The following CCSER1 variants were observed in gnomAD, a reference collection of about 807,000 sequenced individuals.
The protein encoded by CCSER1 is coiled-coil serine rich protein 1.
A neutral mutation model predicts 82.0 loss-of-function variants in CCSER1; 41 were observed. That is an observed-to-expected ratio of 0.50 (90% CI 0.39 to 0.65). The LOEUF (loss-of-function observed/expected upper bound fraction) is 0.65, where lower values mean the gene tolerates loss of function less well. CCSER1 is among the 30% of genes least tolerant of loss of function. The pLI, the probability that CCSER1 is intolerant of heterozygous loss-of-function variation, is 0.00. For synonymous variants in CCSER1, 414 were observed against 383.9 expected (o/e 1.08, Z -0.92); for missense variants, 1,119 against 1,064.2 (o/e 1.05, Z -0.72).
At chr4:91,170,838 A>G (rs1732671705) in intron 10 of CCSER1, among the ~76,000 whole-genome samples, 1 of 152,104 alleles carries the variant, frequency 6.6e-6, no homozygotes, top group African/African-American at 2.4e-5. Context: ...ATGATTAACC[A>G]TTTTCTAAGG....
chr4:91,515,039 C>G (rs999463777), intron 10 of CCSER1, among the ~76,000 whole-genome samples: 5 of 151,996 alleles, frequency 3.3e-5, no homozygotes, highest in African/African-American at 1.2e-4. Flanking sequence ...TGATGTTTTA[C>G]CACATATTGA....
At chr4:90,396,547 A>G (rs1212655313) in intron 3 of CCSER1, among the ~76,000 whole-genome samples, 3 of 152,324 alleles carry the variant, frequency 2.0e-5, no homozygotes, top group East Asian at 3.9e-4. Flanking sequence ...TTAAATTAGT[A>G]GTACCTTTTT....
intron 9 of CCSER1, among the ~76,000 whole-genome samples, chr4:91,035,378 A>G (rs918496886): frequency 6.6e-6 from 1 of 152,164 alleles, no homozygotes; most frequent in African/African-American, 2.4e-5. Flanking sequence ...TGGTCTCTTT[A>G]AGAAAATGAT....
At chr4:91,077,985 C>T (rs1030740291) in intron 9 of CCSER1, among the ~76,000 whole-genome samples, 34 of 152,322 alleles carry the variant, frequency 2.2e-4, no homozygotes, top group African/African-American at 3.1e-4. Flanking sequence ...CAAGGAGGCC[C>T]GCCTGCCTCT....
chr4:91,302,473 C>G (rs1191359889), intron 10 of CCSER1, among the ~76,000 whole-genome samples: 4 of 151,952 alleles, frequency 2.6e-5, no homozygotes, highest in Admixed American at 6.6e-5. Flanking sequence ...CTTGACTGAT[C>G]ATCTATTTTT....
At chr4:91,288,572 G>A (rs1335311619) in intron 10 of CCSER1, among the ~76,000 whole-genome samples, 1 of 151,978 alleles carries the variant, frequency 6.6e-6, no homozygotes, top group African/African-American at 2.4e-5. Context: ...ATAATAGCAA[G>A]ATTCCTGAGA....
chr4:90,845,773 A>T (rs1763156648), intron 8 of CCSER1, among the ~76,000 whole-genome samples: 1 of 151,842 alleles, frequency 6.6e-6, no homozygotes, highest in South Asian at 2.1e-4. Flanking sequence ...ATCATGATTT[A>T]TACAGCCTAT....
chr4:90,510,554 G>T (rs1771350538), intron 5 of CCSER1, among the ~76,000 whole-genome samples: 3 of 152,198 alleles, frequency 2.0e-5, no homozygotes, highest in African/African-American at 7.2e-5. Context: ...CTTCAACGTT[G>T]TCTTTTCCAG....
At chr4:91,143,970 C>G (rs966303519) in intron 10 of CCSER1, among the ~76,000 whole-genome samples, 3 of 151,906 alleles carry the variant, frequency 2.0e-5, no homozygotes, top group African/African-American at 7.2e-5. Flanking sequence ...ATTTTGGTAT[C>G]AAGACAATGC....
intron 2 of CCSER1, among the ~76,000 whole-genome samples, chr4:90,312,389 C>G (rs1735448836): frequency 6.6e-6 from 1 of 152,096 alleles, no homozygotes. Context: ...AAAAACATCA[C>G]CTTTTGGCTA....
chr4:91,139,465 G>A (rs972256025), intron 10 of CCSER1, among the ~76,000 whole-genome samples: 16 of 152,046 alleles, frequency 1.1e-4, no homozygotes, highest in African/African-American at 3.9e-4. Flanking sequence ...ATTTCTAAGT[G>A]CGCTGCGATT....
chr4:90,935,699 A>T (rs1442063977), intron 9 of CCSER1, among the ~76,000 whole-genome samples: 5 of 152,200 alleles, frequency 3.3e-5, no homozygotes, highest in African/African-American at 1.2e-4. Flanking sequence ...TGGGTTGGGA[A>T]GTCCAGCAGT....
chr4:90,187,480 A>G (rs1353039309), intron 1 of CCSER1, among the ~76,000 whole-genome samples: 1 of 151,450 alleles, frequency 6.6e-6, no homozygotes, highest in Non-Finnish European at 1.5e-5. Context: ...CTAAACACTC[A>G]TAAACATATC....
intron 10 of CCSER1, among the ~76,000 whole-genome samples, chr4:91,458,630 C>A (rs1016492986): frequency 1.3e-5 from 2 of 152,024 alleles, no homozygotes; most frequent in Admixed American, 6.6e-5. Context: ...AATATTAATT[C>A]TTTTAGCCCA....
chr4:90,188,370 C>T (rs555010818), intron 1 of CCSER1, among the ~76,000 whole-genome samples: 9 of 151,974 alleles, frequency 5.9e-5, no homozygotes, highest in East Asian at 5.8e-4. Flanking sequence ...GTGAATAAGA[C>T]TTTAATGTAG....
chr4:91,356,533 A>G (rs1748843471), intron 10 of CCSER1, among the ~76,000 whole-genome samples: 1 of 152,228 alleles, frequency 6.6e-6, no homozygotes, highest in African/African-American at 2.4e-5. Context: ...ATGTCTTATT[A>G]TTATTTTTTT....
intron 10 of CCSER1, among the ~76,000 whole-genome samples, chr4:91,303,731 G>T (rs1208470760): frequency 1.3e-5 from 2 of 151,960 alleles, no homozygotes; most frequent in Non-Finnish European, 2.9e-5. Flanking sequence ...GGAGGTCAAG[G>T]TTGCAGTGAG....
At chr4:91,461,963 C>T (rs558541775) in intron 10 of CCSER1, among the ~76,000 whole-genome samples, 1 of 152,194 alleles carries the variant, frequency 6.6e-6, no homozygotes, top group Admixed American at 6.5e-5. Flanking sequence ...AAATTAAGAG[C>T]TCTTTTACTA....
intron 9 of CCSER1, among the ~76,000 whole-genome samples, chr4:91,077,186 T>C (rs1304736791): frequency 6.6e-6 from 1 of 152,116 alleles, no homozygotes; most frequent in African/African-American, 2.4e-5. Flanking sequence ...ACAGAGGGTA[T>C]TCAGTAGAGA....
Sources: gnomAD v4.1 joint callset for allele counts (sites outside exome capture counted in the v4.1 genomes callset) on GRCh38, gnomAD v4.1.1 for gene constraint, MANE v1.5 for transcripts, NCBI Gene and HGNC (gene_info 2026-07-23, HGNC 2026-07-21) for gene names.